The following MADD variants were observed in gnomAD, a reference collection of about 807,000 sequenced individuals.
MADD encodes the protein MAP kinase activating death domain.
Under a neutral mutation model 176.7 loss-of-function variants are expected in MADD, and 109 were observed. That is an observed-to-expected ratio of 0.62 (90% CI 0.53 to 0.72). The LOEUF (loss-of-function observed/expected upper bound fraction) is 0.72. Among genes scored for constraint, MADD ranks in the 30% least tolerant of loss-of-function variants. MADD has a pLI of 0.00. For missense variants in MADD, 1,914 were observed against 2,045.5 expected, an observed-to-expected ratio of 0.94 and a Z score of 1.24; for synonymous variants, 771 against 771.3, an observed-to-expected ratio of 1.00 and a Z score of 0.01.
intron 26 of MADD, 41 bp from the exon 30 acceptor site, chr11:47,315,179 A>T: frequency 8.2e-7 from 1 of 1,222,288 alleles, no homozygotes; most frequent in South Asian, 1.2e-5. Flanking sequence ...GCCCTCTGAG[A>T]GGGATGTATG....
At chr11:47,274,771 T>G in exon 3 of MADD, 1 of 1,614,222 alleles carries the variant, frequency 6.2e-7, no homozygotes, top group Non-Finnish European at 8.5e-7. Context: ...AGTCACGCGA[T>G]ATGGCATCTG....
At chr11:47,276,840 A>G in exon 5 of MADD, 5 of 1,614,114 alleles carry the variant, frequency 3.1e-6, no homozygotes, top group Non-Finnish European at 4.2e-6. Context: ...GCTGCTACCC[A>G]CCTGCATGGC....
intron 10 of MADD, among the ~76,000 whole-genome samples, chr11:47,283,222 T>C (rs1297963449): frequency 2.0e-5 from 3 of 151,946 alleles, no homozygotes; most frequent in African/African-American, 4.8e-5. Flanking sequence ...GCCTCCCGAG[T>C]AGCTGGGACT....
chr11:47,328,441 T>G (rs1242013418), intron 31 of MADD: 16 of 1,436,854 alleles, frequency 1.1e-5, no homozygotes, highest in African/African-American at 1.4e-5. Context: ...GACAGAGGCC[T>G]AGCTGAGGAG....
At chr11:47,304,782 C>G (rs1467336901) in intron 22 of MADD, among the ~76,000 whole-genome samples, 3 of 151,834 alleles carry the variant, frequency 2.0e-5, no homozygotes, top group Admixed American at 1.3e-4. Flanking sequence ...TTATTATGTT[C>G]CTGTGGTGGA....
chr11:47,327,880 A>G (rs556949835), intron 31 of MADD: 6 of 984,444 alleles, frequency 6.1e-6, no homozygotes, highest in Non-Finnish European at 6.0e-6. Flanking sequence ...TGGGGGGCCT[A>G]CTCCTTCCTC....
intron 1 of MADD, chr11:47,270,971 C>T (rs148743147): frequency 6.6e-6 from 1 of 152,320 alleles, no homozygotes; most frequent in East Asian, 1.9e-4. Flanking sequence ...TGTGGTTTTA[C>T]TGTGAGATCC....
At chr11:47,284,611 G>A (rs1421619646) in intron 12 of MADD, 46 bp downstream of exon 12, 11 of 1,588,862 alleles carry the variant, frequency 6.9e-6, no homozygotes, top group Non-Finnish European at 8.6e-6. Flanking sequence ...CCTGGGATGT[G>A]GGCCTCATCT....
At chr11:47,313,805 G>A (rs2091438838) in intron 26 of MADD, among the ~76,000 whole-genome samples, 1 of 151,740 alleles carries the variant, frequency 6.6e-6, no homozygotes, top group African/African-American at 2.4e-5. Flanking sequence ...TGTCACCCGG[G>A]CTGGAGTGCA....
At position 47,289,373 on chromosome 11, in the gene MADD, C is replaced by T; in HGVS notation, c.2654-18C>T. The T allele has an allele frequency of 6.3e-7, 1 of 1,595,412 alleles. No individual in the cohort carries two copies. The highest frequency in any genetic ancestry group is 8.6e-7 in the Non-Finnish European group (1 of 1,162,892). On this transcript the variant is annotated intron_variant, in intron 15 of 32. Coordinates refer to ENST00000402192, the Ensembl canonical transcript of MADD. ...ACTACAATAGTGATGTCTCTCATTCCTGCCTTCCCTGCCACAGGAAACAGG... is the reference window on the plus strand; with the variant it reads ...ACTACAATAGTGATGTCTCTCATTCTTGCCTTCCCTGCCACAGGAAACAGG...
exon 9 of MADD, chr11:47,282,597 C>T (rs368629698): frequency 5.6e-6 from 9 of 1,614,072 alleles, no homozygotes; most frequent in Non-Finnish European, 6.8e-6. Context: ...CCAACTATGC[C>T]TTTCAGCGAA....
intron 30 of MADD, among the ~76,000 whole-genome samples, chr11:47,326,048 C>T (rs1482857339): frequency 3.9e-5 from 6 of 152,156 alleles, no homozygotes; most frequent in Non-Finnish European, 7.3e-5. Context: ...GCACAGGCTT[C>T]GGTGTGAGGA....
chr11:47,301,696 C>T (rs1235750413), intron 22 of MADD, among the ~76,000 whole-genome samples: 3 of 152,142 alleles, frequency 2.0e-5, no homozygotes, highest in Non-Finnish European at 4.4e-5. Flanking sequence ...CCATTGGTCA[C>T]TCAGGAGCAT....
chr11:47,326,660 T>C (rs1340133192), intron 30 of MADD, 78 bp from the exon 35 acceptor site: 1 of 1,563,172 alleles, frequency 6.4e-7, no homozygotes, highest in African/African-American at 1.4e-5. Flanking sequence ...TGGGTGGGGC[T>C]GTAGCTGGGA....
At chr11:47,275,000 G>A in exon 3 of MADD, 3 of 1,614,214 alleles carry the variant, frequency 1.9e-6, no homozygotes, top group Non-Finnish European at 2.5e-6. Context: ...AAGGCGGGGA[G>A]CCGCTCCCGC....
intron 15 of MADD, 99 bp from the exon 16 acceptor site, chr11:47,288,869 T>G: frequency 2.2e-6 from 2 of 900,764 alleles, no homozygotes; most frequent in Non-Finnish European, 3.5e-6. Context: ...TCCTCAAGCT[T>G]TGGGAGAATG....
At chr11:47,315,912 GCCTCCA>G (rs1287065568) in intron 27 of MADD, among the ~76,000 whole-genome samples, 2 of 148,208 alleles carry the variant, frequency 1.3e-5, no homozygotes, top group East Asian at 4.0e-4. Flanking sequence ...GCTCACTGCA[GCCTCCA>G]CCTCCCAGGT....
chr11:47,286,283 ATCCTTTCTAAGACAGATCAGAGATGAT>A, intron 14 of MADD, 123 bp from the exon 15 acceptor site: 1 of 635,030 alleles, frequency 1.6e-6, no homozygotes, highest in Non-Finnish European at 2.8e-6. Context: ...GTTAGACTTG[ATCCTTTCTAAGACAGATCAGAGATGAT>A]CTGATCCACC....
chr11:47,284,855 G>A, intron 12 of MADD, 86 bp from the exon 13 acceptor site: 2 of 1,554,628 alleles, frequency 1.3e-6, no homozygotes, highest in Non-Finnish European at 1.7e-6. Context: ...AAATCTGACA[G>A]GCCTGGTCCA....
Sources: gnomAD v4.1 joint callset for allele counts (sites outside exome capture counted in the v4.1 genomes callset) on GRCh38, gnomAD v4.1.1 for gene constraint, MANE v1.5 for transcripts, NCBI Gene and HGNC (gene_info 2026-07-23, HGNC 2026-07-21) for gene names.